The following KIAA0825 variants were observed in gnomAD, a reference collection of about 807,000 sequenced individuals.
KIAA0825 encodes the protein uncharacterized protein KIAA0825.
KIAA0825 carries 119 observed loss-of-function variants against 147.6 expected under a neutral mutation model. That is an observed-to-expected ratio of 0.81 (90% confidence interval 0.69 to 0.94). KIAA0825 has a LOEUF of 0.94. Ranked by LOEUF, KIAA0825 falls within the 40% of genes least tolerant of loss-of-function variation. The pLI is 0.00. For synonymous variants in KIAA0825, 470 were observed against 518.1 expected (o/e 0.91, Z 1.26); for missense variants, 1,381 against 1,472.7 (o/e 0.94, Z 1.02).
chr5:94,565,345 CTTT>C (rs200278201), intron 2 of KIAA0825, among the ~76,000 whole-genome samples: 5 of 136,948 alleles, frequency 3.7e-5, no homozygotes, highest in Admixed American at 7.4e-5. Flanking sequence ...ATTTTAATTC[CTTT>C]TTTTTTTTTT....
intron 1 of KIAA0825, among the ~76,000 whole-genome samples, chr5:94,586,503 C>A (rs563748961): frequency 6.6e-6 from 1 of 152,144 alleles, no homozygotes; most frequent in Non-Finnish European, 1.5e-5. Flanking sequence ...GAAGCTGAAT[C>A]TCTGAATAGA....
At chr5:94,315,893 G>A (rs917900862) in intron 20 of KIAA0825, among the ~76,000 whole-genome samples, 1 of 151,652 alleles carries the variant, frequency 6.6e-6, no homozygotes, top group African/African-American at 2.4e-5. Context: ...GTTGTTCACG[G>A]TGTTATGTGT....
chr5:94,339,483 C>T (rs1445470389), intron 20 of KIAA0825, among the ~76,000 whole-genome samples: 2 of 152,160 alleles, frequency 1.3e-5, no homozygotes, highest in Non-Finnish European at 2.9e-5. Context: ...TTTTAGAACT[C>T]AGTGGTGAAC....
chr5:94,594,585 G>T (rs1784933198), intron 1 of KIAA0825: 1 of 704,000 alleles, frequency 1.4e-6, no homozygotes, highest in African/African-American at 1.8e-5. Context: ...TGAAAGGATT[G>T]CTTTGGAATT....
chr5:94,423,556 C>A (rs1754469465), intron 14 of KIAA0825, among the ~76,000 whole-genome samples: 1 of 152,108 alleles, frequency 6.6e-6, no homozygotes, highest in Non-Finnish European at 1.5e-5. Context: ...GCTTTCCCAG[C>A]CTGCTTAATT....
chr5:94,521,543 G>A (rs1434941676), intron 4 of KIAA0825, among the ~76,000 whole-genome samples: 1 of 151,430 alleles, frequency 6.6e-6, no homozygotes, highest in Non-Finnish European at 1.5e-5. Flanking sequence ...ATTTTACTTT[G>A]AAAATTAATC....
intron 2 of KIAA0825, among the ~76,000 whole-genome samples, chr5:94,550,709 G>T (rs1045103864): frequency 2.0e-5 from 3 of 152,016 alleles, no homozygotes; most frequent in African/African-American, 7.3e-5. Flanking sequence ...AGGCATGGTG[G>T]CGGGTGCCTG....
chr5:94,466,283 T>G (rs1045507186), intron 10 of KIAA0825, among the ~76,000 whole-genome samples: 1 of 152,184 alleles, frequency 6.6e-6, no homozygotes, highest in Non-Finnish European at 1.5e-5. Flanking sequence ...TTATAGTTAT[T>G]ATCTACCGAC....
chr5:94,241,093 T>G (rs1775320252), intron 20 of KIAA0825, among the ~76,000 whole-genome samples: 1 of 152,340 alleles, frequency 6.6e-6, no homozygotes, highest in Admixed American at 6.5e-5. Flanking sequence ...ATCCAGCATC[T>G]GCAAAGTCCA....
intron 13 of KIAA0825, among the ~76,000 whole-genome samples, chr5:94,443,331 A>T (rs1199396617): frequency 7.3e-6 from 1 of 136,788 alleles, no homozygotes; most frequent in South Asian, 2.5e-4. Context: ...ACAGAAAGGG[A>T]AATTTTATAT....
At chr5:94,498,048 C>T (rs1015520734) in intron 5 of KIAA0825, among the ~76,000 whole-genome samples, 4 of 152,116 alleles carry the variant, frequency 2.6e-5, no homozygotes, top group African/African-American at 9.7e-5. Flanking sequence ...TATCCTTCTC[C>T]CCATTCAGGT....
At chr5:94,213,697 T>A (rs1274433895) in intron 20 of KIAA0825, among the ~76,000 whole-genome samples, 1 of 152,224 alleles carries the variant, frequency 6.6e-6, no homozygotes, top group Admixed American at 6.5e-5. Flanking sequence ...ATACAGGTGC[T>A]GTTTTCCAGT....
chr5:94,301,400 A>AT (rs940076023), intron 20 of KIAA0825, among the ~76,000 whole-genome samples: 18 of 151,090 alleles, frequency 1.2e-4, no homozygotes, highest in Middle Eastern at 3.5e-3. Flanking sequence ...ATATATATAT[A>AT]AAAAATATAT....
chr5:94,368,941 G>A (rs1462878964), intron 20 of KIAA0825, among the ~76,000 whole-genome samples: 6 of 152,132 alleles, frequency 3.9e-5, no homozygotes, highest in Admixed American at 3.9e-4. Context: ...GTTGAGCCAA[G>A]CAGACTGCTT....
intron 20 of KIAA0825, among the ~76,000 whole-genome samples, chr5:94,321,550 G>A (rs1425895227): frequency 2.0e-5 from 3 of 151,932 alleles, no homozygotes; most frequent in Non-Finnish European, 4.4e-5. Context: ...TCTAAGTAAA[G>A]CATGTAAACT....
At chr5:94,603,788 A>T (rs1022421236) in intron 1 of KIAA0825, among the ~76,000 whole-genome samples, 2 of 152,250 alleles carry the variant, frequency 1.3e-5, no homozygotes, top group Non-Finnish European at 2.9e-5. Flanking sequence ...AGTTTCTGAC[A>T]AAAGAGACTT....
chr5:94,343,886 C>A (rs951479649), intron 20 of KIAA0825, among the ~76,000 whole-genome samples: 1 of 152,060 alleles, frequency 6.6e-6, no homozygotes, highest in Non-Finnish European at 1.5e-5. Flanking sequence ...AAGAGACTAT[C>A]CAAATGCTCA....
rs1384921716 is a variant in KIAA0825, at chr5:94,536,592, T to G, written c.131+404A>C. ...CTCTATAAAGTCTCTAGCCTCCTAC[T>G]TAAGTGAGAAAGAATCATAAAATGA... On this transcript the variant is annotated intron_variant, in intron 3 of 20. Transcript: ENST00000682413. Among the ~76,000 whole-genome samples the G allele has an allele frequency of 3.3e-5, 5 of 152,184 alleles. No individual in the cohort carries two copies. The South Asian group carries it at 6.2e-4, about 19-fold the overall frequency.
chr5:94,158,374 T>G (rs1333646081), intron 20 of KIAA0825, among the ~76,000 whole-genome samples: 4 of 152,140 alleles, frequency 2.6e-5, no homozygotes, highest in African/African-American at 4.8e-5. Context: ...TGATAGTTCT[T>G]AACTGGGGTG....
Sources: allele counts gnomAD v4.1 joint callset (sites outside exome capture counted in the v4.1 genomes callset), GRCh38; gene constraint gnomAD v4.1.1; transcripts MANE v1.5; gene names NCBI Gene and HGNC (gene_info 2026-07-23, HGNC 2026-07-21).